Variants in CDKL1 observed in about 807,000 individuals in gnomAD.
The protein encoded by CDKL1 is cyclin dependent kinase like 1.
A neutral mutation model predicts 42.0 loss-of-function variants in CDKL1; 41 were observed. That is an observed-to-expected ratio of 0.98 (90% confidence interval 0.76 to 1.27). CDKL1 has a LOEUF of 1.27. Ranked by LOEUF, CDKL1 falls within the 50% of genes most tolerant of loss-of-function variation. The probability of loss-of-function intolerance (pLI) is 0.00; values close to 1 mark genes in which losing one functional copy is unlikely to be tolerated. For missense variants in CDKL1, 394 were observed against 428.4 expected, an observed-to-expected ratio of 0.92 and a Z score of 0.71; for synonymous variants, 153 against 158.6, an observed-to-expected ratio of 0.96 and a Z score of 0.26.
chr14:50,339,974 C>T (rs903950824), intron 6 of CDKL1, among the ~76,000 whole-genome samples: 8 of 152,156 alleles, frequency 5.3e-5, no homozygotes, highest in Admixed American at 6.5e-5. Flanking sequence ...GCAAAAACTG[C>T]TGCCTCGCCT....
At chr14:50,334,194 T>C (rs11624619) in intron 8 of CDKL1, 2 of 169,578 alleles carry the variant, frequency 1.2e-5, no homozygotes, top group African/African-American at 4.7e-5. Context: ...TCTTACTCTG[T>C]CACCCAAGCT....
At chr14:50,391,826 T>C (rs1206034204) in intron 2 of CDKL1, among the ~76,000 whole-genome samples, 3 of 152,202 alleles carry the variant, frequency 2.0e-5, no homozygotes, top group South Asian at 4.1e-4. Flanking sequence ...AGCATACAAA[T>C]GTACTTCTCA....
At chr14:50,373,265 T>C (rs1254636213) in intron 2 of CDKL1, among the ~76,000 whole-genome samples, 5 of 152,200 alleles carry the variant, frequency 3.3e-5, no homozygotes, top group Admixed American at 6.5e-5. Context: ...AGAAGTCTTA[T>C]TTATGTATTG....
intron 2 of CDKL1, among the ~76,000 whole-genome samples, chr14:50,366,524 T>G (rs574355774): frequency 6.6e-6 from 1 of 152,308 alleles, no homozygotes; most frequent in Admixed American, 6.5e-5. Flanking sequence ...GGGAAGCCAC[T>G]GGAAGGATTT....
chr14:50,397,226 C>A, upstream of CDKL1: 2 of 1,366,626 alleles, frequency 1.5e-6, no homozygotes, highest in East Asian at 4.5e-5. Flanking sequence ...ACCTCAGAAC[C>A]GCGGTTATTC....
At chr14:50,332,108 A>G in intron 9 of CDKL1, 154 bp downstream of exon 9, 2 of 1,597,550 alleles carry the variant, frequency 1.3e-6, no homozygotes, top group Non-Finnish European at 1.7e-6. Context: ...TTCAGGAGAC[A>G]GATGTCCCTG....
intron 2 of CDKL1, among the ~76,000 whole-genome samples, chr14:50,382,955 T>G (rs1255166371): frequency 6.7e-6 from 1 of 150,196 alleles, no homozygotes. Context: ...TGAGACGGAG[T>G]CTCGCTCTGT....
At chr14:50,392,482 T>TAAG in intron 2 of CDKL1, among the ~76,000 whole-genome samples, 2 of 148,160 alleles carry the variant, frequency 1.3e-5, no homozygotes, top group African/African-American at 2.5e-5. Flanking sequence ...ATAATAATAA[T>TAAG]AATAATAATG....
chr14:50,343,915 A>G (rs368861689), intron 4 of CDKL1, among the ~76,000 whole-genome samples: 25 of 152,230 alleles, frequency 1.6e-4, no homozygotes, highest in African/African-American at 5.8e-4. Context: ...CTACTCTCAT[A>G]CTTCCTCCTT....
At chr14:50,334,160 ATTT>A (rs201938162) in intron 8 of CDKL1, 5 of 148,190 alleles carry the variant, frequency 3.4e-5, no homozygotes, top group East Asian at 3.8e-4. Context: ...TCCAAGGAGA[ATTT>A]TTTTTTTTTT....
chr14:50,339,947 T>G (rs1207320939), intron 6 of CDKL1, among the ~76,000 whole-genome samples: 1 of 152,080 alleles, frequency 6.6e-6, no homozygotes, highest in Non-Finnish European at 1.5e-5. Context: ...TCCTAGAAAT[T>G]TACCTCTCAC....
intron 3 of CDKL1, among the ~76,000 whole-genome samples, chr14:50,353,341 C>T (rs2033959515): frequency 6.6e-6 from 1 of 152,144 alleles, no homozygotes. Context: ...GAAGAAATAA[C>T]ATGTATCCCT....
At chr14:50,359,568 T>C (rs2034174032) in intron 2 of CDKL1, among the ~76,000 whole-genome samples, 1 of 152,084 alleles carries the variant, frequency 6.6e-6, no homozygotes, top group African/African-American at 2.4e-5. Flanking sequence ...ATAAATAATA[T>C]GTAATTCTTA....
chr14:50,332,207 T>C (rs1289552975), intron 9 of CDKL1, 55 bp downstream of exon 9: 1 of 1,614,192 alleles, frequency 6.2e-7, no homozygotes, highest in Non-Finnish European at 8.5e-7. Flanking sequence ...TCCTCAAGTC[T>C]AGATTCCAAC....
Position 50,344,971 on chromosome 14 carries a change from G to A in CDKL1, c.363+15C>T, listed in dbSNP as rs1480441657. The A allele has an allele frequency of 6.2e-7, 1 of 1,607,560 alleles. No individual in the cohort carries two copies. Among genetic ancestry groups the A allele is most frequent in the Non-Finnish European group, 8.5e-7 (1 of 1,174,328 alleles). On this transcript the variant is annotated intron_variant, in intron 4 of 9. Coordinates refer to ENST00000395834, the MANE Select transcript of CDKL1 (RefSeq NM_004196.7). ...GGGAGCCTTGTTGCTTTTCAAAAGAGATCATGAGACTTACATTGTGTTTAT... is the reference window on the plus strand; with the variant it reads ...GGGAGCCTTGTTGCTTTTCAAAAGAAATCATGAGACTTACATTGTGTTTAT...
chr14:50,372,365 G>A (rs750601513), intron 2 of CDKL1, among the ~76,000 whole-genome samples: 1 of 152,198 alleles, frequency 6.6e-6, no homozygotes, highest in Non-Finnish European at 1.5e-5. Flanking sequence ...TGATCTGCCT[G>A]CCTCAGCCTC....
intron 2 of CDKL1, among the ~76,000 whole-genome samples, chr14:50,371,557 AT>A (rs1222891722): frequency 6.6e-6 from 1 of 152,072 alleles, no homozygotes; most frequent in Non-Finnish European, 1.5e-5. Context: ...TCCCAGGCTT[AT>A]TTTTTCCCCC....
chr14:50,375,007 T>A (rs1247607276), intron 2 of CDKL1, among the ~76,000 whole-genome samples: 2 of 152,044 alleles, frequency 1.3e-5, no homozygotes, highest in Non-Finnish European at 1.5e-5. Flanking sequence ...AAAACCTAGA[T>A]GATGGGTTGA....
chr14:50,363,814 C>G (rs1050852338), intron 2 of CDKL1: 2 of 152,252 alleles, frequency 1.3e-5, no homozygotes, highest in Non-Finnish European at 2.9e-5. Context: ...GGACAAGGCC[C>G]AAAGGTCCTC....
Sources: allele counts gnomAD v4.1 joint callset (sites outside exome capture counted in the v4.1 genomes callset), GRCh38; gene constraint gnomAD v4.1.1; transcripts MANE v1.5; gene names NCBI Gene and HGNC (gene_info 2026-07-23, HGNC 2026-07-21).